Variants in RIOX2 observed in about 807,000 individuals in gnomAD.
The protein encoded by RIOX2 is 60S ribosomal protein L27a histidine hydroxylase.
RIOX2 carries 43 observed loss-of-function variants against 51.2 expected under a neutral mutation model. That is an observed-to-expected ratio of 0.84 (90% CI 0.66 to 1.08). The LOEUF is 1.08. RIOX2 is among the 50% of genes least tolerant of loss of function. The pLI is 0.00. For missense variants in RIOX2, 566 were observed against 561.7 expected (o/e 1.01, Z -0.08); for synonymous variants, 226 against 218.5 (o/e 1.03, Z -0.30).
intron 5 of RIOX2, 48 bp from the exon 6 acceptor site, chr3:97,950,936 T>C (rs1223470788): frequency 7.8e-7 from 1 of 1,277,772 alleles, no homozygotes; most frequent in Non-Finnish European, 1.1e-6. Context: ...AGTGAGTGCA[T>C]ACGAAATATA....
At chr3:97,950,699 G>A (rs55835605) in intron 6 of RIOX2, 87 bp downstream of exon 6, 52,955 of 1,013,182 alleles carry the variant, frequency 0.052, 1,724 homozygotes, top group Non-Finnish European at 0.066. Context: ...CATGTTGGAA[G>A]AAGTATCCTG....
In RIOX2 at chr3:97,945,329, C is replaced by T. The variant is rs139785839; in HGVS notation, c.1253G>A (p.Arg418His). ...TGCATCCAAATGTGACAAAGGGAAG[C>T]GAAGTCCATGAAACTGAAAGGATAA... ...NEEETEFHGLRFPLSHLDALK... is the reference protein window; with the variant it reads ...NEEETEFHGLHFPLSHLDALK... The change falls in exon 10 of 10, where the codon CGC becomes CAC. Residue 418 changes from arginine to histidine, a missense_variant. Transcript: ENST00000394198. 1.5e-4 allele frequency: 249 copies of T among 1,610,104 alleles called. 1 individual carries two copies. The South Asian group carries it at 2.0e-3, about 13-fold the overall frequency.
Position 97,961,593 on chromosome 3 carries a change from A to ACATCAT in RIOX2, c.542_547dup (p.Asp181_Asp182dup). 1 of 1,598,392 alleles carries ACATCAT rather than the reference A, an allele frequency of 6.3e-7. No homozygotes were observed. The highest frequency in any genetic ancestry group is 2.2e-5 in the East Asian group (1 of 44,708). ...GCAATTTTCTCCATCTCTTACCTCG[A>ACATCAT]CATCATCATAATGGGGCGGCAGGCC... On this transcript the variant is annotated inframe_insertion, in exon 3 of 10. Transcript: ENST00000394198.
intron 4 of RIOX2, among the ~76,000 whole-genome samples, chr3:97,956,315 C>T (rs1245042703): frequency 1.3e-5 from 2 of 152,138 alleles, no homozygotes; most frequent in Non-Finnish European, 2.9e-5. Flanking sequence ...CGTAAGTAAA[C>T]ATTCTCCCCT....
At chr3:97,948,501 G>A (rs934238844) in intron 7 of RIOX2, among the ~76,000 whole-genome samples, 13 of 151,980 alleles carry the variant, frequency 8.6e-5, no homozygotes, top group Admixed American at 3.9e-4. Flanking sequence ...CCACCACTCC[G>A]TACATACTCA....
chr3:97,972,417 G>C lies in RIOX2; in HGVS notation c.-76C>G, dbSNP rs1706173075. 2.0e-5 allele frequency: 3 copies of C among 151,170 alleles called. No individual in the cohort carries two copies. Among genetic ancestry groups the C allele is most frequent in the Admixed American group, 2.0e-4 (3 of 15,206 alleles). The allele number at this position is 151,170 out of a possible 1,614,324, so 9.4% of individuals were successfully genotyped here. On this transcript the variant is annotated 5_prime_UTR_variant, in exon 1 of 10. Coordinates refer to ENST00000394198, the MANE Select transcript of RIOX2 (RefSeq NM_153182.4). ...TGTTGCTCGCGGCCGCGAGCCCACT[G>C]CGTTGCGGCGCAGCGGCTGGAGGCG...
chr3:97,962,368 C>G lies in RIOX2; in HGVS notation c.433-660G>C, dbSNP rs990793104. On this transcript the variant is annotated intron_variant, in intron 2 of 9. Transcript: ENST00000394198. ...TTGGAATGCTAAGACCCCCCCCCCC[C>G]CCCCCACATGGAGATGTCTTTAAGT... Among the ~76,000 whole-genome samples the G allele has an allele frequency of 2.3e-3, 300 of 128,940 alleles. 5 individuals carry two copies. Among genetic ancestry groups the G allele is most frequent in the African/African-American group, 7.6e-3 (266 of 35,204 alleles). 84.6% of individuals were successfully genotyped at this position (128,940 alleles called of 152,430 possible). A position where few individuals can be genotyped will look rare whatever the true frequency, so the allele number is the denominator to read the frequency against.
chr3:97,959,604 C>G (rs894371074), intron 3 of RIOX2, among the ~76,000 whole-genome samples: 10 of 152,162 alleles, frequency 6.6e-5, no homozygotes, highest in African/African-American at 2.4e-4. Flanking sequence ...TGAGCCACCA[C>G]GCCTGGCCTA....
At chr3:97,964,498 G>T (rs1576015199) in intron 2 of RIOX2, among the ~76,000 whole-genome samples, 3 of 151,624 alleles carry the variant, frequency 2.0e-5, no homozygotes, top group Admixed American at 2.0e-4. Context: ...AGGCCAGCCT[G>T]GCCAACATGG....
Position 97,943,563 on chromosome 3 carries a change from C to T in RIOX2, c.*1621G>A. Reference sequence around the variant, plus strand: ...TTGGAAAGGTTCTATTCCTGATCTCCAGCTGTGGTGAGCAAGTTTCCTGAA... The same window carrying T: ...TTGGAAAGGTTCTATTCCTGATCTCTAGCTGTGGTGAGCAAGTTTCCTGAA... On this transcript the variant is annotated 3_prime_UTR_variant, in exon 10 of 10. Coordinates refer to ENST00000394198, the MANE Select transcript of RIOX2 (RefSeq NM_153182.4). 2.4e-6 allele frequency: 1 copy of T among 423,302 alleles called. No individual in the cohort carries two copies. The highest frequency in any genetic ancestry group is 4.2e-6 in the Non-Finnish European group (1 of 240,798). 26.2% of individuals were successfully genotyped at this position (423,302 alleles called of 1,614,324 possible).
intron 2 of RIOX2, among the ~76,000 whole-genome samples, chr3:97,964,346 G>C (rs1576015017): frequency 6.6e-6 from 1 of 152,098 alleles, no homozygotes; most frequent in Non-Finnish European, 1.5e-5. Flanking sequence ...TATCAGCTTG[G>C]AATAGTTATG....
chr3:97,959,001 GA>G (rs1559761157), intron 4 of RIOX2, 49 bp downstream of exon 4: 1 of 1,540,944 alleles, frequency 6.5e-7, no homozygotes, highest in Admixed American at 1.9e-5. Context: ...AGCAATAGGG[GA>G]AACCACAATG....
At position 97,959,047 on chromosome 3, in the gene RIOX2, A is replaced by G. The variant is rs1416928648; in HGVS notation, c.681+4T>C. 6.2e-7 allele frequency: 1 copy of G among 1,608,252 alleles called. No homozygotes were observed. The highest frequency in any genetic ancestry group is 1.3e-5 in the African/African-American group (1 of 74,634). ...ATGAGGTGCCCACAACGGTTATCAC[A>G]TACCTTCAGCATAAACTCATGCACC... is the stretch of plus-strand genomic sequence containing the variant. On this transcript the variant is annotated splice_donor_region_variant and intron_variant, in intron 4 of 9. Transcript: ENST00000394198.
At chr3:97,961,236 T>G (rs535395698) in intron 3 of RIOX2, among the ~76,000 whole-genome samples, 26 of 152,326 alleles carry the variant, frequency 1.7e-4, no homozygotes, top group African/African-American at 5.3e-4. Flanking sequence ...CATGAAGGAT[T>G]ATTTGTGACC....
At chr3:97,957,495 TAAAAA>T (rs35134649) in intron 4 of RIOX2, among the ~76,000 whole-genome samples, 1 of 131,176 alleles carries the variant, frequency 7.6e-6, no homozygotes, top group Non-Finnish European at 1.6e-5. Flanking sequence ...GACTCTGTCT[TAAAAA>T]AAAAAAAAAA....
chr3:97,953,676 C>A (rs562148698), intron 5 of RIOX2, among the ~76,000 whole-genome samples: 2 of 152,288 alleles, frequency 1.3e-5, no homozygotes, highest in South Asian at 4.2e-4. Context: ...AGCCACCACG[C>A]CTGGCCATGA....
In RIOX2 at chr3:97,967,319, C is replaced by G. The variant is rs758324092; in HGVS notation, c.275G>C (p.Arg92Pro). ...CACATCTCTTCCATAGTACATCCCC[C>G]GGCTGCACAGACTCTTCAGATCTGT... ...KLTDLKSLCS[R>P]GMYYGRDVNV... is the part of the protein sequence containing the mutation. Residue 92 changes from arginine to proline, a missense_variant, in exon 2 of 10, where the codon CGG becomes CCG. Physicochemically the swap from Arg to Pro is moderately radical, Grantham distance 103 (BLOSUM62 -2). Transcript: ENST00000394198. 1.2e-6 allele frequency: 2 copies of G among 1,614,200 alleles called. No homozygotes were observed. Among genetic ancestry groups the G allele is most frequent in the East Asian group, 2.2e-5 (1 of 44,886 alleles).
rs1431860298 is a variant in RIOX2 at position 97,945,804 on chromosome 3, TTCC to T, written c.1230_1232del (p.Glu411del). 6 of 1,608,240 alleles carry T rather than the reference TTCC, an allele frequency of 3.7e-6. No individual in the cohort carries two copies. Among genetic ancestry groups the T allele is most frequent in the African/African-American group, 2.7e-5 (2 of 74,736 alleles). On this transcript the variant is annotated inframe_deletion, in exon 9 of 10. Transcript: ENST00000394198. ...GTTTTCAGTTGAAACAAACCTCTGT[TTCC>T]TCCTCATTTCCCATCATGTGTGTCT...
Position 97,943,236 on chromosome 3 carries a change from T to A in RIOX2, c.*1948A>T. On this transcript the variant is annotated 3_prime_UTR_variant, in exon 10 of 10. Transcript: ENST00000394198. ...GAATTTCTATTTTAGGAGGAAATTA[T>A]TGTGACAAGACTCATGTAATTGTAA... The A allele has an allele frequency of 6.4e-7, 1 of 1,567,568 alleles. No homozygotes were observed. Among genetic ancestry groups the A allele is most frequent in the Admixed American group, 1.7e-5 (1 of 57,530 alleles).
Sources: gnomAD v4.1 joint callset for allele counts (sites outside exome capture counted in the v4.1 genomes callset) on GRCh38, gnomAD v4.1.1 for gene constraint, MANE v1.5 for transcripts, NCBI Gene and HGNC (gene_info 2026-07-23, HGNC 2026-07-21) for gene names.